Variants in CD163 observed in about 807,000 individuals in gnomAD.
CD163 encodes the protein scavenger receptor cysteine-rich type 1 protein M130.
A neutral mutation model predicts 129.2 loss-of-function variants in CD163; 64 were observed. The ratio of observed to expected loss-of-function variants is 0.50; its 90% CI spans 0.41 to 0.61. The LOEUF is 0.61. CD163 is among the 20% of genes least tolerant of loss of function. The pLI is 0.00. For missense variants in CD163, 1,061 were observed against 1,377.9 expected, an observed-to-expected ratio of 0.77 and a Z score of 3.64; for synonymous variants, 446 against 478.5, an observed-to-expected ratio of 0.93 and a Z score of 0.89.
Position 7,481,049 on chromosome 12 carries a change from C to T in CD163, c.3343+112G>A, listed in dbSNP as rs755617969. 1.9e-4 allele frequency: 286 copies of T among 1,472,474 alleles called. 2 individuals are homozygous for T. The African/African-American group carries it at 3.2e-3, about 16-fold the overall frequency. 91.2% of individuals were successfully genotyped at this position (1,472,474 alleles called of 1,614,324 possible). ...TTGTCCATTATATGCATCTAAGCTTCCTATTACATTTTTAGACTTTTTTAA... is the reference window on the plus strand; with the variant it reads ...TTGTCCATTATATGCATCTAAGCTTTCTATTACATTTTTAGACTTTTTTAA... On this transcript the variant is annotated intron_variant, in intron 15 of 16. Coordinates refer to ENST00000432237, the MANE Select transcript of CD163 (RefSeq NM_203416.4).
chr12:7,488,538 C>A (rs1949287658), intron 6 of CD163, among the ~76,000 whole-genome samples: 1 of 152,146 alleles, frequency 6.6e-6, no homozygotes, highest in Non-Finnish European at 1.5e-5. Flanking sequence ...GAATGAACAT[C>A]AGACTTCTTC....
chr12:7,496,686 C>T lies in CD163; in HGVS notation c.1099+127G>A, dbSNP rs1949405971. 4.0e-6 allele frequency: 3 copies of T among 741,492 alleles called. No homozygotes were observed. Among genetic ancestry groups the T allele is most frequent in the African/African-American group, 1.8e-5 (1 of 56,654 alleles). The allele number at this position is 741,492 out of a possible 1,614,324, so 45.9% of individuals were successfully genotyped here. ...AAGATTACAGGTATAAAGGAATTCC[C>T]AGCAAGGAATTTACTAGGCATTTCT... On this transcript the variant is annotated intron_variant, in intron 5 of 16. Coordinates refer to ENST00000432237, the MANE Select transcript of CD163 (RefSeq NM_203416.4). This position sits in a 1 kb window ranked among gnomAD's most constrained non-coding sequence, Gnocchi z 4.8.
chr12:7,483,111 C>A, intron 12 of CD163, 107 bp from the exon 13 acceptor site: 1 of 1,112,292 alleles, frequency 9.0e-7, no homozygotes, highest in Non-Finnish European at 1.3e-6. Context: ...AAGTATATGA[C>A]TCTTTCCCAC....
chr12:7,503,736 T>G lies in CD163; in HGVS notation c.-46A>C, dbSNP rs1949525002. 4 of 1,202,346 alleles carry G rather than the reference T, an allele frequency of 3.3e-6. No individual in the cohort carries two copies. The highest frequency in any genetic ancestry group is 4.8e-6 in the Non-Finnish European group (4 of 827,466). The allele number at this position is 1,202,346 out of a possible 1,614,324, so 74.5% of individuals were successfully genotyped here. A position where few individuals can be genotyped will look rare whatever the true frequency, so the allele number is the denominator to read the frequency against. On this transcript the variant is annotated 5_prime_UTR_variant, in exon 1 of 17. Transcript: ENST00000432237. Reference sequence around the variant, plus strand: ...ATGATTCCTAAATCTTCTTGTATTATTCCCTAGAAATGTTCTTCTAAAGAA... The same window carrying G: ...ATGATTCCTAAATCTTCTTGTATTAGTCCCTAGAAATGTTCTTCTAAAGAA...
At position 7,486,804 on chromosome 12, in the gene CD163, T is replaced by C. The variant is rs1243059344; in HGVS notation, c.2153A>G (p.Gln718Arg). Residue 718 changes from glutamine (Q) to arginine (R), a missense_variant, in exon 10 of 17, where the codon CAA becomes CGA. Physicochemically the swap from Gln to Arg is conservative, Grantham distance 43. Transcript: ENST00000432237. ...ACCTCCTCCATTTACCAGGCGAAGT[T>C]GACCACTCTCTGCAAAGAGAAATGA... ...ESAVACIESG[Q>R]LRLVNGGGRC... 1 of 1,609,492 alleles carries C rather than the reference T, an allele frequency of 6.2e-7. No homozygotes were observed. The highest frequency in any genetic ancestry group is 8.5e-7 in the Non-Finnish European group (1 of 1,176,670).
At chr12:7,480,064 G>C in intron 15 of CD163, 151 bp from the exon 16 acceptor site, 2 of 1,487,234 alleles carry the variant, frequency 1.3e-6, no homozygotes, top group Non-Finnish European at 1.8e-6. Flanking sequence ...GAGGCTCTTT[G>C]AGCAACTAAA....
At position 7,471,219 on chromosome 12, in the gene CD163, C is replaced by G. The variant is rs1326912805; in HGVS notation, c.*210G>C. 1.3e-5 allele frequency: 2 copies of G among 152,276 alleles called. No individual in the cohort carries two copies. Among genetic ancestry groups the G allele is most frequent in the African/African-American group, 4.8e-5 (2 of 41,420 alleles). The allele number at this position is 152,276 out of a possible 1,614,324, so 9.4% of individuals were successfully genotyped here. ...ATTTATTTAATTCCCTTGAAAGTCT[C>G]ATATACACCACTAAGTAGTCACATT... On this transcript the variant is annotated 3_prime_UTR_variant, in exon 17 of 17. Transcript: ENST00000432237.
chr12:7,503,606 C>T (rs776120293), intron 1 of CD163, 39 bp downstream of exon 1: 8 of 1,333,506 alleles, frequency 6.0e-6, no homozygotes, highest in Non-Finnish European at 8.6e-6. Flanking sequence ...TTACATACCC[C>T]ATTAAAGGGG....
intron 1 of CD163, among the ~76,000 whole-genome samples, chr12:7,502,987 T>A (rs1046662573): frequency 1.3e-5 from 2 of 152,220 alleles, no homozygotes; most frequent in Admixed American, 1.3e-4. Context: ...CTAGCCGCAC[T>A]GATAGAGGAT....
rs1381519628 is a variant in CD163, at chr12:7,495,207, C to T, written c.1294G>A (p.Ala432Thr). 2 of 1,613,966 alleles carry T rather than the reference C, an allele frequency of 1.2e-6. No individual in the cohort carries two copies. The highest frequency in any genetic ancestry group is 8.5e-7 in the Non-Finnish European group (1 of 1,179,992). ...CTTAGAAACAGCCATGTGTTTGTTG[C>T]CTGGATTTTGGAGTACACTTGATAA... is the stretch of plus-strand genomic sequence containing the variant. ...TSYQVYSKIQ[A>T]TNTWLFLSSC... is the part of the protein sequence containing the mutation. Residue 432 changes from alanine (A) to threonine (T), a missense_variant, in exon 6 of 17, where the codon GCA becomes ACA. By Grantham distance (58) the Ala-to-Thr change is moderately conservative. Transcript: ENST00000432237.
At chr12:7,480,380 G>A (rs74582374) in intron 15 of CD163, 9,365 of 160,442 alleles carry the variant, frequency 0.058, 330 homozygotes, top group African/African-American at 0.086. Context: ...GGATAAAACA[G>A]CATGATGTGA....
At chr12:7,486,464 T>A (rs375593859) in intron 10 of CD163, 35 bp downstream of exon 10, 8 of 1,575,934 alleles carry the variant, frequency 5.1e-6, no homozygotes, top group Non-Finnish European at 2.6e-6. Flanking sequence ...CCTTTCTCTA[T>A]GTAATTATGA....
chr12:7,473,324 G>GA (rs1185220802), intron 16 of CD163: 2 of 152,210 alleles, frequency 1.3e-5, no homozygotes, highest in African/African-American at 2.4e-5. Context: ...GCACCAGAGA[G>GA]AAACGTCAGG....
chr12:7,499,499 T>A (rs1389616106), intron 3 of CD163, among the ~76,000 whole-genome samples: 2 of 152,200 alleles, frequency 1.3e-5, no homozygotes, highest in African/African-American at 4.8e-5. Flanking sequence ...AATAGATAAA[T>A]TCGACTCAAG....
intron 16 of CD163, 27 bp downstream of exon 16, chr12:7,479,833 A>G: frequency 1.2e-6 from 2 of 1,606,456 alleles, no homozygotes; most frequent in South Asian, 2.2e-5. Flanking sequence ...TGTTTTGAAC[A>G]ATGACTAATA....
intron 13 of CD163, 55 bp from the exon 14 acceptor site, chr12:7,482,817 G>A: frequency 6.2e-7 from 1 of 1,603,526 alleles, no homozygotes. Flanking sequence ...AAAGATCAAG[G>A]TCCCTAGTTA....
At position 7,503,619 on chromosome 12, in the gene CD163, A is replaced by G. The variant is rs149430282; in HGVS notation, c.46+26T>C. The G allele has an allele frequency of 6.2e-4, 938 of 1,510,964 alleles. 11 individuals carry two copies. The East Asian group carries it at 0.019, about 31-fold the overall frequency. 93.6% of individuals were successfully genotyped at this position (1,510,964 alleles called of 1,614,324 possible). On this transcript the variant is annotated intron_variant, in intron 1 of 16. Coordinates refer to ENST00000432237, the MANE Select transcript of CD163 (RefSeq NM_203416.4). ...AATTACATACCCCATTAAAGGGGAA[A>G]TGTAGAATAAATGAGAAGCTTTTAC... is the stretch of plus-strand genomic sequence containing the variant.
intron 6 of CD163, among the ~76,000 whole-genome samples, chr12:7,493,465 G>A (rs761115717): frequency 5.3e-5 from 8 of 152,156 alleles, no homozygotes; most frequent in Non-Finnish European, 8.8e-5. Context: ...GGTGACAACA[G>A]AGACACCAAA....
intron 14 of CD163, 83 bp from the exon 15 acceptor site, chr12:7,481,339 C>T: frequency 2.1e-6 from 2 of 959,254 alleles, no homozygotes; most frequent in Non-Finnish European, 3.4e-6. Flanking sequence ...CCAAGCGCTG[C>T]AAACATACCT....
Sources: gnomAD v4.1 joint callset for allele counts (sites outside exome capture counted in the v4.1 genomes callset) on GRCh38, gnomAD v4.1.1 for gene constraint, Gnocchi (gnomAD v3.1) non-coding constraint, MANE v1.5 for transcripts, NCBI Gene and HGNC (gene_info 2026-07-23, HGNC 2026-07-21) for gene names.